SHROOM3: variants seen among roughly 807,000 people sequenced by gnomAD.
SHROOM3 encodes protein Shroom3.
SHROOM3 carries 47 observed loss-of-function variants against 138.6 expected under a neutral mutation model. The ratio of observed to expected loss-of-function variants is 0.34; its 90% CI spans 0.27 to 0.43. The LOEUF is 0.43. SHROOM3 is among the 20% of genes least tolerant of loss of function. The pLI, the probability that SHROOM3 is intolerant of heterozygous loss-of-function variation, is 1.00. For synonymous variants in SHROOM3, 1,062 were observed against 1,063.3 expected, an observed-to-expected ratio of 1.00 and a Z score of 0.02; for missense variants, 2,491 against 2,596.5, an observed-to-expected ratio of 0.96 and a Z score of 0.88.
chr4:76,733,011 C>T (rs930826132), intron 4 of SHROOM3, among the ~76,000 whole-genome samples: 1 of 152,118 alleles, frequency 6.6e-6, no homozygotes, highest in African/African-American at 2.4e-5. Flanking sequence ...GGTGAATGGC[C>T]AGCACACACT....
At chr4:76,685,981 T>G (rs778202617) in intron 2 of SHROOM3, among the ~76,000 whole-genome samples, 2 of 150,690 alleles carry the variant, frequency 1.3e-5, no homozygotes, top group Non-Finnish European at 2.9e-5. Context: ...CAAAATAAAA[T>G]AAAAGAAAGT....
At chr4:76,586,597 G>A (rs773807454) in intron 2 of SHROOM3, 10 of 474,700 alleles carry the variant, frequency 2.1e-5, no homozygotes, top group Non-Finnish European at 2.8e-5. Flanking sequence ...CCTTTGTGAT[G>A]AAATCACCAA....
At chr4:76,442,471 G>A (rs1730713158) in intron 1 of SHROOM3, among the ~76,000 whole-genome samples, 1 of 145,700 alleles carries the variant, frequency 6.9e-6, no homozygotes, top group Admixed American at 7.1e-5. Flanking sequence ...GTGCAGTGGT[G>A]CGATCTCGGG....
rs772019973 is a variant in SHROOM3 at position 76,779,020 on chromosome 4, G to A, written c.5834G>A (p.Gly1945Asp). 2 of 1,614,206 alleles carry A rather than the reference G, an allele frequency of 1.2e-6. No homozygotes were observed. The highest frequency in any genetic ancestry group is 8.5e-7 in the Non-Finnish European group (1 of 1,180,042). ...QRKLDDKIKL[G>D]QEQVKCLLES... ...AAGCTGGATGACAAGATCAAGCTGG[G>A]CCAGGAGCAGGTCAAGTGTCTGCTG... Residue 1945 changes from glycine (G) to aspartate (D), a missense_variant, in exon 11 of 11, where the codon GGC becomes GAC. Physicochemically the swap from Gly to Asp is moderately conservative, Grantham distance 94. Transcript: ENST00000296043.
At chr4:76,706,175 GCAGAGCTCAGCT>G in intron 2 of SHROOM3, among the ~76,000 whole-genome samples, 2 of 152,172 alleles carry the variant, frequency 1.3e-5, no homozygotes, top group Non-Finnish European at 2.9e-5. Context: ...AGGCTGGAGT[GCAGAGCTCAGCT>G]CACTGCAACC....
intron 1 of SHROOM3, among the ~76,000 whole-genome samples, chr4:76,544,452 TGTG>T (rs996766700): frequency 7.3e-6 from 1 of 137,298 alleles, no homozygotes; most frequent in Non-Finnish European, 1.6e-5. Flanking sequence ...AGTCTCACTC[TGTG>T]GCCCAGGCTG....
Position 76,570,806 on chromosome 4 carries a change from G to A in SHROOM3, c.323+15043G>A, listed in dbSNP as rs76679495. 9.1e-3 allele frequency among the ~76,000 whole-genome samples: 1,389 copies of A among 152,226 alleles called. 10 individuals are homozygous for A. The highest frequency in any genetic ancestry group is 0.02 in the South Asian group (97 of 4,816). The stretch of plus-strand genomic sequence containing the variant: ...TGTGTAATAATTCATGCACATTCCC[G>A]TCCCAGTCCCTAAGTGTGCAGACTA... On this transcript the variant is annotated intron_variant, in intron 2 of 10. Coordinates refer to ENST00000296043, the MANE Select transcript of SHROOM3 (RefSeq NM_020859.4).
At chr4:76,709,661 A>C (rs979855963) in intron 2 of SHROOM3, 1 of 178,502 alleles carries the variant, frequency 5.6e-6, no homozygotes, top group Non-Finnish European at 1.2e-5. Flanking sequence ...AAGAGTTGGC[A>C]TGTGCTTCTG....
intron 1 of SHROOM3, among the ~76,000 whole-genome samples, chr4:76,522,950 A>C (rs770164948): frequency 2.0e-5 from 3 of 152,204 alleles, no homozygotes; most frequent in Non-Finnish European, 2.9e-5. Context: ...ATCTCACTAC[A>C]TATGGCTATA....
intron 2 of SHROOM3, among the ~76,000 whole-genome samples, chr4:76,628,058 A>G (rs1384091705): frequency 6.6e-6 from 1 of 152,154 alleles, no homozygotes; most frequent in Non-Finnish European, 1.5e-5. Context: ...ACTTTATGAC[A>G]GTTTGGACAG....
intron 2 of SHROOM3, among the ~76,000 whole-genome samples, chr4:76,659,570 G>C (rs1209697775): frequency 6.6e-6 from 1 of 152,138 alleles, no homozygotes; most frequent in African/African-American, 2.4e-5. Flanking sequence ...GTTGCTGTGG[G>C]CTTTCAGAAG....
At chr4:76,693,158 A>G (rs922322362) in intron 2 of SHROOM3, among the ~76,000 whole-genome samples, 3 of 152,190 alleles carry the variant, frequency 2.0e-5, no homozygotes, top group Admixed American at 6.5e-5. Context: ...GCAAAGATTG[A>G]GTTAATGACT....
intron 2 of SHROOM3, among the ~76,000 whole-genome samples, chr4:76,628,406 G>T (rs6838801): frequency 0.29 from 44,329 of 152,054 alleles, 6,613 homozygotes; most frequent in East Asian, 0.43. Flanking sequence ...GATCTCTCAT[G>T]TGTTTCTTGA....
intron 2 of SHROOM3, among the ~76,000 whole-genome samples, chr4:76,683,785 T>C (rs936980066): frequency 6.6e-6 from 1 of 152,204 alleles, no homozygotes; most frequent in East Asian, 1.9e-4. Flanking sequence ...GGATGCTTTT[T>C]AAAGTTATTA....
intron 2 of SHROOM3, among the ~76,000 whole-genome samples, chr4:76,631,203 CTTTTTTTT>C (rs71212436): frequency 2.9e-5 from 3 of 104,192 alleles, no homozygotes; most frequent in African/African-American, 8.0e-5. Flanking sequence ...TTTTTTTAAT[CTTTTTTTT>C]TTTTTTTTTT....
At chr4:76,533,350 A>G (rs1732872544) in intron 1 of SHROOM3, among the ~76,000 whole-genome samples, 1 of 152,196 alleles carries the variant, frequency 6.6e-6, no homozygotes, top group African/African-American at 2.4e-5. Context: ...GACTATCTGT[A>G]AAAGGAAATT....
intron 5 of SHROOM3, chr4:76,742,250 C>CTTT: frequency 1.0e-5 from 3 of 293,912 alleles, no homozygotes; most frequent in Admixed American, 4.8e-5. Flanking sequence ...TTGTTTTTTG[C>CTTT]TTTTTTTTTT....
At chr4:76,613,153 C>G (rs781738543) in intron 2 of SHROOM3, among the ~76,000 whole-genome samples, 1 of 152,128 alleles carries the variant, frequency 6.6e-6, no homozygotes, top group East Asian at 1.9e-4. Context: ...GGTGGTTCAG[C>G]GTTCCTCCTC....
At position 76,754,916 on chromosome 4, in the gene SHROOM3, C is replaced by T. The variant is rs758915004; in HGVS notation, c.4433C>T (p.Ala1478Val). The T allele has an allele frequency of 1.8e-5, 29 of 1,614,088 alleles. No homozygotes were observed. The Admixed American group carries it at 4.0e-4, about 22-fold the overall frequency. ...TCTGACCCAGACACACCTCTTGGGG[C>T]CCCGAGCACTCCAGGGAGGATCTCC... ...STSDPDTPLGAPSTPGRISLR... is the reference protein window; with the variant it reads ...STSDPDTPLGVPSTPGRISLR... The change falls in exon 7 of 11, where the codon GCC becomes GTC. Residue 1478 changes from alanine (A) to valine (V), a missense_variant. Coordinates refer to ENST00000296043, the MANE Select transcript of SHROOM3 (RefSeq NM_020859.4).
Sources: allele counts gnomAD v4.1 joint callset (sites outside exome capture counted in the v4.1 genomes callset), GRCh38; gene constraint gnomAD v4.1.1; transcripts MANE v1.5; gene names NCBI Gene and HGNC (gene_info 2026-07-23, HGNC 2026-07-21).